Variants in FAM149B1 observed in about 807,000 individuals in gnomAD.
FAM149B1 encodes family with sequence similarity 149 member B1.
A neutral mutation model predicts 75.3 loss-of-function variants in FAM149B1; 56 were observed. That is an observed-to-expected ratio of 0.74 (90% confidence interval 0.60 to 0.93). FAM149B1 has a LOEUF of 0.93. FAM149B1 is among the 40% of genes least tolerant of loss of function. FAM149B1 has a pLI of 0.00. For synonymous variants in FAM149B1, 259 were observed against 256.1 expected, an observed-to-expected ratio of 1.01 and a Z score of -0.11; for missense variants, 639 against 708.4, an observed-to-expected ratio of 0.90 and a Z score of 1.11.
intron 5 of FAM149B1, among the ~76,000 whole-genome samples, chr10:73,202,515 C>T (rs972353957): frequency 2.0e-5 from 3 of 151,840 alleles, no homozygotes; most frequent in Admixed American, 6.6e-5. Context: ...TCACTGCAAC[C>T]TCTGCCTCCC....
At chr10:73,220,074 A>G (rs906029387) in intron 7 of FAM149B1, among the ~76,000 whole-genome samples, 11 of 151,744 alleles carry the variant, frequency 7.2e-5, no homozygotes, top group African/African-American at 2.7e-4. Context: ...CCAATTTTAA[A>G]ATGGGCAAAT....
At chr10:73,195,416 T>C (rs2042780039) in intron 5 of FAM149B1, among the ~76,000 whole-genome samples, 1 of 152,226 alleles carries the variant, frequency 6.6e-6, no homozygotes, top group African/African-American at 2.4e-5. Flanking sequence ...AGTTTACTCC[T>C]TTTATATAAT....
In FAM149B1 at chr10:73,239,152, A is replaced by G. The variant is rs1407962814; in HGVS notation, c.1603-160A>G. 8 of 559,938 alleles carry G rather than the reference A, an allele frequency of 1.4e-5. No homozygotes were observed. The African/African-American group carries it at 1.5e-4, about 11-fold the overall frequency. 34.7% of individuals were successfully genotyped at this position (559,938 alleles called of 1,614,324 possible). On this transcript the variant is annotated intron_variant, in intron 12 of 13. Transcript: ENST00000242505. Reference sequence around the variant, plus strand: ...GTGGGCATCTGGCTTGGGATTTTCTACTTGAAATTCAACCCAGTGCACTCA... The same window carrying G: ...GTGGGCATCTGGCTTGGGATTTTCTGCTTGAAATTCAACCCAGTGCACTCA...
chr10:73,230,268 G>T, intron 8 of FAM149B1, 154 bp from the exon 9 acceptor site: 3 of 552,200 alleles, frequency 5.4e-6, no homozygotes, highest in Non-Finnish European at 9.7e-6. Flanking sequence ...TTGACTTGGG[G>T]CCCCAGCTAC....
rs554439469 is a variant in FAM149B1, at chr10:73,170,059, A to C, written c.47+1673A>C. Among the ~76,000 whole-genome samples the C allele has an allele frequency of 2.0e-5, 3 of 151,006 alleles. No homozygotes were observed. The South Asian group carries it at 6.2e-4, about 31-fold the overall frequency. On this transcript the variant is annotated intron_variant, in intron 1 of 13. Coordinates refer to ENST00000242505, the MANE Select transcript of FAM149B1 (RefSeq NM_173348.2). ...TTAACTATTTAATTTATTAAATATT[A>C]ATTATGCACATACATGATAATTGCA...
At chr10:73,203,958 C>G (rs1204060874) in intron 5 of FAM149B1, among the ~76,000 whole-genome samples, 1 of 151,996 alleles carries the variant, frequency 6.6e-6, no homozygotes, top group African/African-American at 2.4e-5. Flanking sequence ...ATTCTTATAG[C>G]TAAATCTTAC....
intron 2 of FAM149B1, among the ~76,000 whole-genome samples, chr10:73,175,562 C>T (rs1806351458): frequency 6.7e-6 from 1 of 149,864 alleles, no homozygotes; most frequent in Middle Eastern, 3.3e-3. Flanking sequence ...CCCAGCTACT[C>T]AGGAGGCTGA....
At chr10:73,208,542 A>T (rs2043117655) in intron 5 of FAM149B1, 77 bp from the exon 6 acceptor site, 1 of 1,107,210 alleles carries the variant, frequency 9.0e-7, no homozygotes, top group African/African-American at 1.6e-5. Context: ...GTTTGAGCCA[A>T]AACTCATGTA....
At chr10:73,191,085 G>C (rs1419913538) in intron 3 of FAM149B1, among the ~76,000 whole-genome samples, 1 of 152,180 alleles carries the variant, frequency 6.6e-6, no homozygotes, top group Non-Finnish European at 1.5e-5. Flanking sequence ...TTGTTGCCCA[G>C]GCTGGAGTGC....
rs553374067 is a variant in FAM149B1 at position 73,234,670 on chromosome 10, G to A, written c.1353-147G>A. The A allele has an allele frequency of 1.2e-5, 10 of 855,606 alleles. No individual in the cohort carries two copies. The African/African-American group carries it at 1.5e-4, about 13-fold the overall frequency. The allele number at this position is 855,606 out of a possible 1,614,324, so 53.0% of individuals were successfully genotyped here. A position where few individuals can be genotyped will look rare whatever the true frequency, so the allele number is the denominator to read the frequency against. ...TAAAAACTAATTTTCCAAAAATCCTGAGATCTCTACTTGAAAACATAGGTA... is the reference window on the plus strand; with the variant it reads ...TAAAAACTAATTTTCCAAAAATCCTAAGATCTCTACTTGAAAACATAGGTA... On this transcript the variant is annotated intron_variant, in intron 10 of 13. Coordinates refer to ENST00000242505, the MANE Select transcript of FAM149B1 (RefSeq NM_173348.2).
At chr10:73,240,556 C>CA (rs758302948) in intron 13 of FAM149B1, among the ~76,000 whole-genome samples, 15 of 151,820 alleles carry the variant, frequency 9.9e-5, no homozygotes, top group Non-Finnish European at 1.8e-4. Context: ...ACTAAAAATA[C>CA]AAAAAATTAG....
At chr10:73,194,545 A>C (rs1034391655) in intron 5 of FAM149B1, among the ~76,000 whole-genome samples, 1 of 151,952 alleles carries the variant, frequency 6.6e-6, no homozygotes, top group African/African-American at 2.4e-5. Flanking sequence ...GGTGTGTGCC[A>C]CCATGCCCGG....
chr10:73,233,336 A>G, intron 10 of FAM149B1, 173 bp downstream of exon 10: 1 of 579,490 alleles, frequency 1.7e-6, no homozygotes, highest in South Asian at 2.1e-5. Flanking sequence ...ATGTGGTTAA[A>G]TTTTATTTTA....
chr10:73,228,293 TAC>T, intron 8 of FAM149B1, 109 bp downstream of exon 8: 2 of 855,338 alleles, frequency 2.3e-6, no homozygotes, highest in Non-Finnish European at 3.7e-6. Flanking sequence ...TATGTTTTAG[TAC>T]AGTTATGTGT....
rs2042713434 is a variant in FAM149B1, at chr10:73,192,683, G to C, written c.410G>C (p.Ser137Thr). 1 of 1,546,420 alleles carries C rather than the reference G, an allele frequency of 6.5e-7. No individual in the cohort carries two copies. The highest frequency in any genetic ancestry group is 8.7e-7 in the Non-Finnish European group (1 of 1,145,818). The change falls in exon 4 of 14, where the codon AGC becomes ACC. Residue 137 changes from serine (S) to threonine (T), a missense_variant. By Grantham distance (58) the Ser-to-Thr change is moderately conservative. Coordinates refer to ENST00000242505, the MANE Select transcript of FAM149B1 (RefSeq NM_173348.2). ...LQEECQQWTA[S>T]FPHLRILGRQ... ...GAAGAGTGCCAACAGTGGACAGCTA[G>C]CTTTCCTCACCTCAGGTACTGAAGC...
chr10:73,178,813 G>A (rs1476788485), intron 3 of FAM149B1, among the ~76,000 whole-genome samples: 3 of 152,126 alleles, frequency 2.0e-5, no homozygotes. Flanking sequence ...TAGGTGATGA[G>A]ATGAGTGATT....
chr10:73,243,684 T>A lies in FAM149B1; in HGVS notation c.*2665T>A. ...TGGTGTTAATAATTGTAAAACTTTG[T>A]AAATACACTTAAAACCACCAAATTG... On this transcript the variant is annotated 3_prime_UTR_variant, in exon 14 of 14. Transcript: ENST00000242505. 1 of 1,130,132 alleles carries A rather than the reference T, an allele frequency of 8.8e-7. No individual in the cohort carries two copies. Among genetic ancestry groups the A allele is most frequent in the South Asian group, 1.6e-5 (1 of 63,860 alleles). 70.0% of individuals were successfully genotyped at this position (1,130,132 alleles called of 1,614,324 possible).
intron 7 of FAM149B1, among the ~76,000 whole-genome samples, chr10:73,227,005 CTATTTA>C (rs2043568715): frequency 2.0e-5 from 3 of 152,154 alleles, no homozygotes; most frequent in Admixed American, 6.5e-5. Flanking sequence ...ATGTAATCAC[CTATTTA>C]TAACTTGTTT....
Position 73,241,934 on chromosome 10 carries a change from A to G in FAM149B1, c.*915A>G, listed in dbSNP as rs1344582085. 1 of 152,270 alleles carries G rather than the reference A, an allele frequency of 6.6e-6. No homozygotes were observed. The highest frequency in any genetic ancestry group is 1.5e-5 in the Non-Finnish European group (1 of 68,048). 9.4% of individuals were successfully genotyped at this position (152,270 alleles called of 1,614,324 possible). On this transcript the variant is annotated 3_prime_UTR_variant, in exon 14 of 14. Coordinates refer to ENST00000242505, the MANE Select transcript of FAM149B1 (RefSeq NM_173348.2). The stretch of plus-strand genomic sequence containing the variant: ...TTACTGTGGACCTTTTCCTAAGGGC[A>G]TTCATGAATGCAGCAACAGTTTTAA...
Sources: allele counts gnomAD v4.1 joint callset (sites outside exome capture counted in the v4.1 genomes callset), GRCh38; gene constraint gnomAD v4.1.1; transcripts MANE v1.5; gene names NCBI Gene and HGNC (gene_info 2026-07-23, HGNC 2026-07-21).